Variants in WDR19 observed in about 807,000 individuals in gnomAD.
The protein encoded by WDR19 is WD repeat-containing protein 19.
WDR19 carries 121 observed loss-of-function variants against 180.0 expected under a neutral mutation model. That is an observed-to-expected ratio of 0.67 (90% confidence interval 0.58 to 0.78). The LOEUF is 0.78. WDR19 is among the 30% of genes least tolerant of loss of function. The pLI is 0.00. For synonymous variants in WDR19, 497 were observed against 540.7 expected (o/e 0.92, Z 1.12); for missense variants, 1,450 against 1,640.7 (o/e 0.88, Z 2.01).
chr4:39,240,678 G>A (rs4450938), intron 21 of WDR19, among the ~76,000 whole-genome samples: 68,427 of 151,606 alleles, frequency 0.45, 18,409 homozygotes, highest in East Asian at 0.59. Context: ...TAGGCTGGAC[G>A]CGGTGGCTCA....
intron 15 of WDR19, among the ~76,000 whole-genome samples, chr4:39,225,622 TA>T (rs1213501101): frequency 6.6e-6 from 1 of 152,254 alleles, no homozygotes; most frequent in Non-Finnish European, 1.5e-5. Flanking sequence ...GTTAATGGTT[TA>T]CTGTGTTTTT....
chr4:39,219,087 TGTTTTACA>T (rs1415148409), intron 14 of WDR19: 1 of 152,228 alleles, frequency 6.6e-6, no homozygotes, highest in Non-Finnish European at 1.5e-5. Flanking sequence ...TGGTTGAGCC[TGTTTTACA>T]GTTAACTTTT....
intron 2 of WDR19, 40 bp downstream of exon 2, chr4:39,185,857 C>G: frequency 6.8e-7 from 1 of 1,464,444 alleles, no homozygotes; most frequent in Non-Finnish European, 9.3e-7. Context: ...GGTTGCATGC[C>G]CATGTAATCA....
Position 39,277,018 on chromosome 4 carries a change from A to ATCC in WDR19, c.3717-2_3717-1insTCC. Reference sequence around the variant, plus strand: ...TTTAAATGACATGATTCTTCCTCACAGGAGACCCGATATATCTGAGATAGA... The same window carrying ATCC: ...TTTAAATGACATGATTCTTCCTCACATCCGGAGACCCGATATATCTGAGATAGA... On this transcript the variant is annotated splice_acceptor_variant, in intron 33 of 36. Transcript: ENST00000399820. LOFTEE classifies it high-confidence loss of function. The ATCC allele has an allele frequency of 6.2e-7, 1 of 1,612,336 alleles. No individual in the cohort carries two copies. The highest frequency in any genetic ancestry group is 1.1e-5 in the South Asian group (1 of 90,556).
chr4:39,207,523 C>T (rs1419794290), intron 9 of WDR19, among the ~76,000 whole-genome samples: 1 of 152,068 alleles, frequency 6.6e-6, no homozygotes, highest in Admixed American at 6.5e-5. Flanking sequence ...TTGAAAGCAG[C>T]CAGAGAGCAA....
rs1450541922 is a variant in WDR19 at position 39,278,524 on chromosome 4, C to G, written c.3918-15C>G. ...TATATATTTAATTTACTCTGCCTTTCCCTCCCCTAAACAGCATGCTAAACA... is the reference window on the plus strand; with the variant it reads ...TATATATTTAATTTACTCTGCCTTTGCCTCCCCTAAACAGCATGCTAAACA... On this transcript the variant is annotated splice_polypyrimidine_tract_variant and intron_variant, in intron 35 of 36. Transcript: ENST00000399820. The G allele has an allele frequency of 6.3e-7, 1 of 1,588,430 alleles. No homozygotes were observed. Among genetic ancestry groups the G allele is most frequent in the Non-Finnish European group, 8.6e-7 (1 of 1,163,322 alleles).
chr4:39,194,892 G>A (rs536783470), intron 5 of WDR19: 63 of 448,000 alleles, frequency 1.4e-4, no homozygotes, highest in Middle Eastern at 1.1e-3. Flanking sequence ...TGTGCCTTTC[G>A]CATCAGGACA....
chr4:39,234,923 A>T (rs1283408255), intron 20 of WDR19, 48 bp downstream of exon 20: 1 of 1,189,224 alleles, frequency 8.4e-7, no homozygotes, highest in Admixed American at 2.0e-5. Flanking sequence ...ATGACTGCAA[A>T]TATCTTCAGT....
In WDR19 at chr4:39,244,715, T is replaced by C. The variant is rs183598033; in HGVS notation, c.2645+163T>C. Among the ~76,000 whole-genome samples, 327 of 152,294 alleles carry C rather than the reference T, an allele frequency of 2.1e-3. 2 individuals carry two copies. The highest frequency in any genetic ancestry group is 4.0e-3 in the Non-Finnish European group (271 of 68,034). On this transcript the variant is annotated intron_variant, in intron 23 of 36. Transcript: ENST00000399820. Reference sequence around the variant, plus strand: ...TTCTCCTTAGATAAGTTCATATTAATAGTTCTTTTTCCAAAGAATAGCACA... The same window carrying C: ...TTCTCCTTAGATAAGTTCATATTAACAGTTCTTTTTCCAAAGAATAGCACA...
In WDR19 at chr4:39,228,310, A is replaced by T; in HGVS notation, c.1730A>T (p.Asp577Val). The part of the protein sequence containing the change: ...PMDKGVFIAY[D>V]DDKVYTYVFH... ...GATAAAGGTGTATTTATTGCTTATG[A>T]TGATGATAAGGTGTACACTTATGTC... Residue 577 changes from aspartate to valine, a missense_variant, in exon 16 of 37, where the codon GAT becomes GTT. Transcript: ENST00000399820. The T allele has an allele frequency of 1.2e-6, 2 of 1,613,488 alleles. No individual in the cohort carries two copies. Among genetic ancestry groups the T allele is most frequent in the South Asian group, 2.2e-5 (2 of 91,022 alleles).
chr4:39,281,232 T>TAG (rs542816951), intron 36 of WDR19, among the ~76,000 whole-genome samples: 3,608 of 100,746 alleles, frequency 0.036, 76 homozygotes, highest in Middle Eastern at 0.084. Context: ...TATATATATA[T>TAG]ATATAGAGAG....
chr4:39,227,302 A>G (rs952604299), intron 15 of WDR19, among the ~76,000 whole-genome samples: 2 of 152,130 alleles, frequency 1.3e-5, no homozygotes, highest in African/African-American at 4.8e-5. Flanking sequence ...TCAGTTCCCT[A>G]TTCAGGATAT....
chr4:39,255,000 AG>A (rs1462781136), intron 26 of WDR19, among the ~76,000 whole-genome samples: 14 of 152,196 alleles, frequency 9.2e-5, no homozygotes, highest in African/African-American at 3.4e-4. Context: ...ATTAGGTAAA[AG>A]CTTCTTGGGA....
At position 39,270,111 on chromosome 4, in the gene WDR19, T is replaced by C. The variant is rs766475725; in HGVS notation, c.3483+11T>C. The C allele has an allele frequency of 6.8e-6, 11 of 1,613,336 alleles. No homozygotes were observed. In the Admixed American group the frequency reaches 8.3e-5, roughly 12 times the overall value. On this transcript the variant is annotated intron_variant, in intron 31 of 36. Transcript: ENST00000399820. Reference sequence around the variant, plus strand: ...TATATACTAGTAAAGGTGAGGCCCATGGAGTGACTTGGGACATAACCTGCC... The same window carrying C: ...TATATACTAGTAAAGGTGAGGCCCACGGAGTGACTTGGGACATAACCTGCC...
chr4:39,208,046 T>C (rs1157858991), intron 9 of WDR19, among the ~76,000 whole-genome samples: 2 of 152,066 alleles, frequency 1.3e-5, no homozygotes, highest in African/African-American at 4.8e-5. Context: ...CTAAGTAGAC[T>C]ATGAAAACTT....
chr4:39,183,554 G>T (rs553920085), intron 1 of WDR19, among the ~76,000 whole-genome samples: 2 of 152,118 alleles, frequency 1.3e-5, no homozygotes, highest in Admixed American at 6.5e-5. Context: ...CGGCTGGAAG[G>T]CTCAATTTTA....
intron 36 of WDR19, among the ~76,000 whole-genome samples, chr4:39,282,941 C>CAAAA (rs938664256): frequency 2.0e-5 from 3 of 152,090 alleles, no homozygotes; most frequent in African/African-American, 7.2e-5. Flanking sequence ...TACAAATACA[C>CAAAA]AAAAAATTTA....
Position 39,189,715 on chromosome 4 carries a change from A to C in WDR19, c.224A>C (p.Lys75Thr). 2 of 1,612,116 alleles carry C rather than the reference A, an allele frequency of 1.2e-6. No homozygotes were observed. Among genetic ancestry groups the C allele is most frequent in the Non-Finnish European group, 1.7e-6 (2 of 1,179,290 alleles). ...DGDVLAVIAE[K>T]SSCIYLWDAN... Reference sequence around the variant, plus strand: ...GATGTCCTAGCAGTGATTGCTGAGAAATCTAGCTGCATTTATCTTTGGGAT... The same window carrying C: ...GATGTCCTAGCAGTGATTGCTGAGACATCTAGCTGCATTTATCTTTGGGAT... Residue 75 changes from lysine (K) to threonine (T), a missense_variant, in exon 4 of 37, where the codon AAA becomes ACA. Transcript: ENST00000399820.
At chr4:39,256,449 A>G (rs1214670985) in intron 27 of WDR19, among the ~76,000 whole-genome samples, 1 of 152,170 alleles carries the variant, frequency 6.6e-6, no homozygotes, top group African/African-American at 2.4e-5. Context: ...ATGTCTTAAG[A>G]AGCCAGCTGT....
Sources: gnomAD v4.1 joint callset for allele counts (sites outside exome capture counted in the v4.1 genomes callset) on GRCh38, gnomAD v4.1.1 for gene constraint, MANE v1.5 for transcripts, NCBI Gene and HGNC (gene_info 2026-07-23, HGNC 2026-07-21) for gene names.